The following MNAT1 variants were observed in gnomAD, a reference collection of about 807,000 sequenced individuals.
The protein encoded by MNAT1 is CDK-activating kinase assembly factor MAT1.
A neutral mutation model predicts 42.0 loss-of-function variants in MNAT1; 43 were observed. That is an observed-to-expected ratio of 1.02 (90% confidence interval 0.80 to 1.32). The LOEUF is 1.32. Ranked by LOEUF, MNAT1 falls within the 40% of genes most tolerant of loss-of-function variation. The pLI is 0.00. For synonymous variants in MNAT1, 118 were observed against 120.0 expected, an observed-to-expected ratio of 0.98 and a Z score of 0.11; for missense variants, 306 against 350.4, an observed-to-expected ratio of 0.87 and a Z score of 1.01.
At chr14:60,953,230 A>G (rs998475890) in intron 7 of MNAT1, among the ~76,000 whole-genome samples, 11 of 152,184 alleles carry the variant, frequency 7.2e-5, no homozygotes, top group Non-Finnish European at 1.5e-5. Context: ...ATACAAATGT[A>G]TTATACGTAT....
chr14:60,818,416 T>C (rs1469626528), intron 5 of MNAT1, among the ~76,000 whole-genome samples: 1 of 152,088 alleles, frequency 6.6e-6, no homozygotes, highest in Non-Finnish European at 1.5e-5. Flanking sequence ...TAGTACTTTG[T>C]ACTACTCTTT....
At chr14:60,942,272 G>A (rs1307408541) in intron 7 of MNAT1, among the ~76,000 whole-genome samples, 2 of 152,060 alleles carry the variant, frequency 1.3e-5, no homozygotes, top group African/African-American at 4.8e-5. Context: ...GCTTATTCCA[G>A]TAGTGTTAGC....
At chr14:60,797,879 A>G (rs2032069655) in intron 2 of MNAT1, among the ~76,000 whole-genome samples, 1 of 152,104 alleles carries the variant, frequency 6.6e-6, no homozygotes, top group Non-Finnish European at 1.5e-5. Context: ...GCAGTGAGCC[A>G]AGATTGTGCC....
intron 7 of MNAT1, among the ~76,000 whole-genome samples, chr14:60,927,151 G>C (rs2035784651): frequency 6.6e-6 from 1 of 151,970 alleles, no homozygotes; most frequent in Non-Finnish European, 1.5e-5. Context: ...ACTTGATGTG[G>C]GCCTTCTTGA....
At chr14:60,852,868 C>T (rs888991294) in intron 6 of MNAT1, among the ~76,000 whole-genome samples, 8 of 151,990 alleles carry the variant, frequency 5.3e-5, no homozygotes, top group African/African-American at 1.7e-4. Context: ...ATGTGTGGTG[C>T]TACTTCTGAG....
intron 4 of MNAT1, among the ~76,000 whole-genome samples, chr14:60,810,535 A>ATGTTTT (rs1210237512): frequency 3.9e-5 from 6 of 151,930 alleles, no homozygotes; most frequent in Non-Finnish European, 8.8e-5. Context: ...TTGGTATGCT[A>ATGTTTT]TGTTTTTGTT....
In MNAT1 at chr14:60,800,071, T is replaced by G. The variant is rs1451637309; in HGVS notation, c.316+1911T>G. 3.3e-5 allele frequency among the ~76,000 whole-genome samples: 5 copies of G among 152,166 alleles called. No individual in the cohort carries two copies. The South Asian group carries it at 6.2e-4, about 19-fold the overall frequency. On this transcript the variant is annotated intron_variant, in intron 3 of 7. Coordinates refer to ENST00000261245, the MANE Select transcript of MNAT1 (RefSeq NM_002431.4). ...TCACTGATACCCACAGCATAATGAA[T>G]GCATTGTGAATGCCATCAACCTTCT...
intron 1 of MNAT1, among the ~76,000 whole-genome samples, chr14:60,749,463 G>A (rs1246880863): frequency 6.6e-6 from 1 of 152,080 alleles, no homozygotes; most frequent in Non-Finnish European, 1.5e-5. Flanking sequence ...CTGACAGTAT[G>A]ATTGCCTGGG....
intron 7 of MNAT1, among the ~76,000 whole-genome samples, chr14:60,918,738 A>ATATATG (rs1247509813): frequency 6.8e-6 from 1 of 146,772 alleles, no homozygotes; most frequent in East Asian, 2.0e-4. Context: ...AGATGAGAAT[A>ATATATG]TATATATATA....
intron 1 of MNAT1, among the ~76,000 whole-genome samples, chr14:60,771,286 A>G (rs1187641147): frequency 6.6e-6 from 1 of 152,100 alleles, no homozygotes; most frequent in Non-Finnish European, 1.5e-5. Context: ...TGGTTTTAAA[A>G]TGCATTTCCC....
intron 7 of MNAT1, among the ~76,000 whole-genome samples, chr14:60,913,602 G>A (rs756536950): frequency 3.9e-5 from 6 of 152,096 alleles, no homozygotes; most frequent in Non-Finnish European, 5.9e-5. Context: ...CTCCAGACCC[G>A]GTTTGCCTGG....
chr14:60,734,768 T>C lies in MNAT1; in HGVS notation c.-95T>C, dbSNP rs1896253314. 3.6e-6 allele frequency: 4 copies of C among 1,121,298 alleles called. No homozygotes were observed. Among genetic ancestry groups the C allele is most frequent in the Non-Finnish European group, 5.3e-6 (4 of 747,768 alleles). The allele number at this position is 1,121,298 out of a possible 1,614,324, so 69.5% of individuals were successfully genotyped here. A position where few individuals can be genotyped will look rare whatever the true frequency, so the allele number is the denominator to read the frequency against. On this transcript the variant is annotated 5_prime_UTR_variant, in exon 1 of 8. Transcript: ENST00000261245. The surrounding 1 kb of genome is among the most constrained non-coding windows in gnomAD (Gnocchi z 4.3). ...GAAGGGACCGTCTCTGCCAAGCGCC[T>C]GTTGGTAGGAACCTGCTTGGTCGCG...
At chr14:60,761,931 A>G (rs1165240784) in intron 1 of MNAT1, among the ~76,000 whole-genome samples, 1 of 152,230 alleles carries the variant, frequency 6.6e-6, no homozygotes, top group Non-Finnish European at 1.5e-5. Flanking sequence ...TTTTTAGCAT[A>G]TATAAATTAA....
intron 7 of MNAT1, among the ~76,000 whole-genome samples, chr14:60,941,873 G>A (rs981289831): frequency 6.0e-5 from 9 of 150,406 alleles, no homozygotes; most frequent in African/African-American, 9.8e-5. Context: ...GCGTAATGGC[G>A]GGCGCCTGTA....
chr14:60,827,005 G>A (rs1566783418), intron 6 of MNAT1, among the ~76,000 whole-genome samples: 1 of 151,978 alleles, frequency 6.6e-6, no homozygotes, highest in Non-Finnish European at 1.5e-5. Context: ...GAGATTCTAC[G>A]GCTGAGGATC....
intron 6 of MNAT1, among the ~76,000 whole-genome samples, chr14:60,863,309 A>G (rs555580777): frequency 6.6e-6 from 1 of 152,228 alleles, no homozygotes; most frequent in East Asian, 1.9e-4. Flanking sequence ...GCTGTACTTC[A>G]TGACTCTTTT....
At chr14:60,918,444 G>A (rs1042648968) in intron 7 of MNAT1, among the ~76,000 whole-genome samples, 3 of 150,958 alleles carry the variant, frequency 2.0e-5, no homozygotes, top group Admixed American at 6.6e-5. Context: ...TCCTGACCTC[G>A]TGATCCACCC....
intron 1 of MNAT1, among the ~76,000 whole-genome samples, chr14:60,770,070 A>G (rs187956540): frequency 1.3e-5 from 2 of 152,162 alleles, no homozygotes; most frequent in East Asian, 1.9e-4. Flanking sequence ...CTGAAATTCT[A>G]TACCCATTAA....
chr14:60,829,249 G>A (rs2033149940), intron 6 of MNAT1, among the ~76,000 whole-genome samples: 1 of 152,050 alleles, frequency 6.6e-6, no homozygotes, highest in African/African-American at 2.4e-5. Context: ...GACTACAAAC[G>A]TTTTAGGAGA....
Sources: gnomAD v4.1 joint callset for allele counts (sites outside exome capture counted in the v4.1 genomes callset) on GRCh38, gnomAD v4.1.1 for gene constraint, Gnocchi (gnomAD v3.1) non-coding constraint, MANE v1.5 for transcripts, NCBI Gene and HGNC (gene_info 2026-07-23, HGNC 2026-07-21) for gene names.